Variants in DSG2 observed in about 807,000 individuals in gnomAD.
The protein encoded by DSG2 is desmoglein 2, also known as desmoglein-2.
In DSG2, 45 loss-of-function variants were observed where a neutral mutation model predicts 75.6. The ratio of observed to expected loss-of-function variants is 0.60; its 90% CI spans 0.47 to 0.76. DSG2 has a LOEUF of 0.76. Ranked by LOEUF, DSG2 falls within the 30% of genes least tolerant of loss-of-function variation. The pLI is 0.00. For missense variants in DSG2, 1,267 were observed against 1,357.4 expected (o/e 0.93, Z 1.05); for synonymous variants, 429 against 483.9 (o/e 0.89, Z 1.49).
At chr18:31,539,098 T>G in intron 12 of DSG2, 120 bp downstream of exon 12, 1 of 940,748 alleles carries the variant, frequency 1.1e-6, no homozygotes, top group Non-Finnish European at 1.7e-6. Context: ...TAGAGCACTT[T>G]GAGGGTGAAT....
chr18:31,541,148 A>G, intron 12 of DSG2, 45 bp from the exon 13 acceptor site: 1 of 1,613,462 alleles, frequency 6.2e-7, no homozygotes, highest in South Asian at 1.1e-5. Context: ...ATTTAGAAAT[A>G]TATCAAGGTT....
chr18:31,530,443 G>A (rs548132745), intron 8 of DSG2, among the ~76,000 whole-genome samples: 7 of 151,942 alleles, frequency 4.6e-5, no homozygotes, highest in African/African-American at 1.7e-4. Flanking sequence ...TTTGAGACAG[G>A]GTCTCACTTT....
intron 8 of DSG2, among the ~76,000 whole-genome samples, chr18:31,530,330 C>T (rs1160333697): frequency 6.6e-6 from 1 of 152,066 alleles, no homozygotes; most frequent in Non-Finnish European, 1.5e-5. Flanking sequence ...TTAAGGAATA[C>T]TGATTTATAC....
At chr18:31,520,687 C>A in intron 3 of DSG2, 116 bp from the exon 4 acceptor site, 1 of 1,117,082 alleles carries the variant, frequency 9.0e-7, no homozygotes. Context: ...GGAAATTGTC[C>A]ATAAAAATAT....
chr18:31,538,858 A>C lies in DSG2; in HGVS notation c.1759A>C (p.Thr587Pro). 6.2e-7 allele frequency: 1 copy of C among 1,614,188 alleles called. No individual in the cohort carries two copies. The highest frequency in any genetic ancestry group is 8.5e-7 in the Non-Finnish European group (1 of 1,180,032). ...GFSCPEKQVL[T>P]LTVCECLHGS... ...TAGTTGTCCTGAAAAGCAGGTCCTT[A>C]CACTCACAGTTTGTGAGTGTCTGCA... Residue 587 changes from threonine (T) to proline (P), a missense_variant, in exon 12 of 15, where the codon ACA (threonine) becomes CCA (proline). Thr to Pro is a conservative substitution (Grantham distance 38). Coordinates refer to ENST00000261590, the MANE Select transcript of DSG2 (RefSeq NM_001943.5).
chr18:31,504,131 G>C lies in DSG2; in HGVS notation c.45+5835G>C, dbSNP rs1050506702. Reference sequence around the variant, plus strand: ...CTACTCTGTGCCAAGCACTGTTCCAGGTCTCACCTCGAAATCACACCTGAC... The same window carrying C: ...CTACTCTGTGCCAAGCACTGTTCCACGTCTCACCTCGAAATCACACCTGAC... On this transcript the variant is annotated intron_variant, in intron 1 of 14. Coordinates refer to ENST00000261590, the MANE Select transcript of DSG2 (RefSeq NM_001943.5). 2.6e-5 allele frequency among the ~76,000 whole-genome samples: 4 copies of C among 152,122 alleles called. No individual in the cohort carries two copies. The East Asian group carries it at 7.7e-4, about 29-fold the overall frequency.
chr18:31,542,262 C>A, intron 13 of DSG2: 1 of 540,438 alleles, frequency 1.9e-6, no homozygotes, highest in Non-Finnish European at 3.3e-6. Context: ...TGCCATTGGT[C>A]GCATAGAGTA....
chr18:31,515,126 A>G (rs2704053), intron 1 of DSG2, among the ~76,000 whole-genome samples: 84,841 of 151,932 alleles, frequency 0.56, 26,059 homozygotes, highest in African/African-American at 0.84. Context: ...TGTTTGAGAC[A>G]GAGTCTCACT....
intron 1 of DSG2, among the ~76,000 whole-genome samples, chr18:31,505,782 C>T (rs1010280559): frequency 1.3e-5 from 2 of 151,758 alleles, no homozygotes; most frequent in African/African-American, 4.8e-5. Flanking sequence ...CTGCCTCAAC[C>T]TCCCGAGTAG....
chr18:31,499,706 A>T (rs906106765), intron 1 of DSG2, among the ~76,000 whole-genome samples: 1 of 152,212 alleles, frequency 6.6e-6, no homozygotes, highest in African/African-American at 2.4e-5. Flanking sequence ...TGAGAGTTAC[A>T]TATTCTTTCC....
chr18:31,535,412 G>C lies in DSG2; in HGVS notation c.1423G>C (p.Asp475His), dbSNP rs187091767. 3 of 1,604,762 alleles carry C rather than the reference G, an allele frequency of 1.9e-6. No individual in the cohort carries two copies. The African/African-American group carries it at 4.0e-5, about 21-fold the overall frequency. Residue 475 changes from aspartate (D) to histidine (H), a missense_variant and splice_region_variant, in exon 10 of 15, where the codon GAT (aspartate) becomes CAT (histidine). Coordinates refer to ENST00000261590, the MANE Select transcript of DSG2 (RefSeq NM_001943.5). ...YTVKIVAISE[D>H]YPRKTITGTV... ...TGTAAAGATTGTGGCCATATCAGAA[G>C]GTAAGTTATTAAATAGATCTTTTTC...
At chr18:31,498,367 G>A (rs1403656570) in intron 1 of DSG2, 71 bp downstream of exon 1, 7 of 1,236,224 alleles carry the variant, frequency 5.7e-6, no homozygotes, top group South Asian at 8.3e-5. Flanking sequence ...TAGACCTCGC[G>A]ACCAGACTTG....
chr18:31,531,728 G>A (rs1260976245), intron 9 of DSG2, among the ~76,000 whole-genome samples: 1 of 152,194 alleles, frequency 6.6e-6, no homozygotes, highest in East Asian at 1.9e-4. Context: ...TTGTTTCAGA[G>A]ATTAATGAGC....
In DSG2 at chr18:31,542,566, G is replaced by A. The variant is rs770270723; in HGVS notation, c.2048G>A (p.Gly683Glu). 6.2e-7 allele frequency: 1 copy of A among 1,614,098 alleles called. No homozygotes were observed. Among genetic ancestry groups the A allele is most frequent in the South Asian group, 1.1e-5 (1 of 91,070 alleles). ...GTGGATCAAGGGGGCAGTCTAGTAGGAAGAAATGGAGTAGGAGGTATGGCC... is the reference window on the plus strand; with the variant it reads ...GTGGATCAAGGGGGCAGTCTAGTAGAAAGAAATGGAGTAGGAGGTATGGCC... ...LPVDQGGSLV[G>E]RNGVGGMAKE... The change falls in exon 14 of 15, where the codon GGA becomes GAA. Residue 683 changes from glycine (G) to glutamate (E), a missense_variant. By Grantham distance (98) the Gly-to-Glu change is moderately conservative. Coordinates refer to ENST00000261590, the MANE Select transcript of DSG2 (RefSeq NM_001943.5).
At chr18:31,524,149 A>G (rs2073146474) in intron 6 of DSG2, among the ~76,000 whole-genome samples, 1 of 152,176 alleles carries the variant, frequency 6.6e-6, no homozygotes, top group African/African-American at 2.4e-5. Context: ...GTTCCACCTC[A>G]CTTTCAGTAG....
intron 11 of DSG2, 50 bp from the exon 12 acceptor site, chr18:31,538,701 A>G (rs1415016186): frequency 2.8e-6 from 4 of 1,450,212 alleles, no homozygotes; most frequent in Non-Finnish European, 3.9e-6. Flanking sequence ...ATGTTGCCTC[A>G]TCCTTGGTAA....
rs928134604 is a variant in DSG2 at position 31,503,408 on chromosome 18, A to G, written c.45+5112A>G. Among the ~76,000 whole-genome samples, 4 of 152,200 alleles carry G rather than the reference A, an allele frequency of 2.6e-5. No homozygotes were observed. The East Asian group carries it at 5.8e-4, about 22-fold the overall frequency. On this transcript the variant is annotated intron_variant, in intron 1 of 14. Transcript: ENST00000261590. ...ATTCTAGGTAGAGAGAAGAGCATCT[A>G]AAAGGCCTGAAAATGATAGTTCATG...
rs114025793 is a variant in DSG2 at position 31,519,488 on chromosome 18, G to A, written c.82-315G>A. The stretch of plus-strand genomic sequence containing the variant: ...CTGAGGCAGGAAGATGGCTTGATCC[G>A]GGGAAGTCAAGGCTACAGTGAGCCA... On this transcript the variant is annotated intron_variant, in intron 2 of 14. Transcript: ENST00000261590. Among the ~76,000 whole-genome samples the A allele has an allele frequency of 1.6e-3, 250 of 152,168 alleles. 1 individual carries two copies. The highest frequency in any genetic ancestry group is 5.5e-3 in the African/African-American group (230 of 41,528).
Position 31,536,449 on chromosome 18 carries a change from T to C in DSG2, c.1651+20T>C. On this transcript the variant is annotated intron_variant, in intron 11 of 14. Transcript: ENST00000261590. ...AAGAAAGTAAGCAAAATCACTGGAC[T>C]ACATAGAAATCTAAATATTAAGCAT... The C allele has an allele frequency of 6.3e-7, 1 of 1,594,688 alleles. No individual in the cohort carries two copies. Among genetic ancestry groups the C allele is most frequent in the Non-Finnish European group, 8.6e-7 (1 of 1,166,638 alleles).
Sources: gnomAD v4.1 joint callset for allele counts (sites outside exome capture counted in the v4.1 genomes callset) on GRCh38, gnomAD v4.1.1 for gene constraint, MANE v1.5 for transcripts, NCBI Gene and HGNC (gene_info 2026-07-23, HGNC 2026-07-21) for gene names.